Variants in INVS observed in about 807,000 individuals in gnomAD.
INVS encodes inversion of embryo turning homolog.
In INVS, 86 loss-of-function variants were observed where a neutral mutation model predicts 108.8. That is an observed-to-expected ratio of 0.79 (90% CI 0.66 to 0.95). The LOEUF (loss-of-function observed/expected upper bound fraction) is 0.95, where lower values mean the gene tolerates loss of function less well. Ranked by LOEUF, INVS falls within the 40% of genes least tolerant of loss-of-function variation. INVS has a pLI of 0.00. For missense variants in INVS, 1,169 were observed against 1,297.4 expected (o/e 0.90, Z 1.52); for synonymous variants, 455 against 473.5 (o/e 0.96, Z 0.51).
intron 3 of INVS, among the ~76,000 whole-genome samples, chr9:100,199,074 CTTAA>C (rs1335326332): frequency 6.6e-6 from 1 of 152,136 alleles, no homozygotes; most frequent in Non-Finnish European, 1.5e-5. Context: ...CACTTGCTCA[CTTAA>C]TTAAGGTACT....
At chr9:100,221,328 G>A (rs577166661) in intron 3 of INVS, among the ~76,000 whole-genome samples, 1 of 146,824 alleles carries the variant, frequency 6.8e-6, no homozygotes, top group Non-Finnish European at 1.5e-5. Context: ...TTTTGAGACA[G>A]GGTCTTCTCT....
At chr9:100,215,186 A>G (rs1441689430) in intron 3 of INVS, 3 of 152,232 alleles carry the variant, frequency 2.0e-5, no homozygotes, top group Non-Finnish European at 1.5e-5. Context: ...CAGTTGAACA[A>G]AATGAATCCA....
intron 3 of INVS, among the ~76,000 whole-genome samples, chr9:100,209,075 C>T (rs925200700): frequency 1.3e-5 from 2 of 152,098 alleles, no homozygotes; most frequent in African/African-American, 4.8e-5. Context: ...TTTATTACAC[C>T]GTACTGCCTC....
intron 3 of INVS, among the ~76,000 whole-genome samples, chr9:100,181,756 A>C (rs1192097648): frequency 6.6e-6 from 1 of 152,174 alleles, no homozygotes; most frequent in Non-Finnish European, 1.5e-5. Context: ...ACAGAATTAG[A>C]AAAAACTACT....
Position 100,229,721 on chromosome 9 carries a change from A to T in INVS, c.509A>T (p.Lys170Met). 1 of 1,614,096 alleles carries T rather than the reference A, an allele frequency of 6.2e-7. No individual in the cohort carries two copies. ...CCTGAGCATGTGAAGCTGCTCATCA[A>T]GCATGATTCTAACATTGGGATTCCT... ...NNPEHVKLLI[K>M]HDSNIGIPDV... Residue 170 changes from lysine (K) to methionine (M), a missense_variant, in exon 5 of 17, where the codon AAG (lysine) becomes ATG (methionine). By Grantham distance (95) the Lys-to-Met change is moderately conservative. This residue lies in a region of INVS where 365 missense variants were observed against 397.5 expected (regional missense o/e 0.92). Coordinates refer to ENST00000262457, the MANE Select transcript of INVS (RefSeq NM_014425.5).
chr9:100,129,646 T>C (rs1021780232), intron 3 of INVS: 7 of 650,730 alleles, frequency 1.1e-5, no homozygotes, highest in African/African-American at 9.0e-5. Context: ...CTGTAAAAAC[T>C]GAATAAAATA....
chr9:100,298,084 A>G (rs1252711530), intron 16 of INVS, 74 bp downstream of exon 16: 3 of 1,610,566 alleles, frequency 1.9e-6, no homozygotes, highest in Middle Eastern at 1.7e-4. Context: ...ATCCCCAAAG[A>G]CAGAAGACAT....
intron 3 of INVS, among the ~76,000 whole-genome samples, chr9:100,178,615 A>C (rs1200384163): frequency 1.3e-5 from 2 of 152,240 alleles, no homozygotes; most frequent in African/African-American, 4.8e-5. Context: ...GGAATGCACA[A>C]AGACTCCAAG....
intron 10 of INVS, among the ~76,000 whole-genome samples, chr9:100,262,638 TAAAAA>T (rs58650063): frequency 4.4e-4 from 51 of 116,476 alleles, no homozygotes; most frequent in Non-Finnish European, 7.2e-4. Flanking sequence ...CCTGGAGCAC[TAAAAA>T]AAAAAAAAAA....
At position 100,175,598 on chromosome 9, in the gene INVS, G is replaced by C. The variant is rs1474828000; in HGVS notation, c.273+49049G>C. The C allele has an allele frequency of 7.2e-6, 5 of 693,138 alleles. No individual in the cohort carries two copies. The African/African-American group carries it at 8.8e-5, about 12-fold the overall frequency. The allele number at this position is 693,138 out of a possible 1,614,324, so 42.9% of individuals were successfully genotyped here. ...ACCAGAGAATAAAATATAAGAGGTGGCAGAAAAACAGCTGCCCAAAGAATA... is the reference window on the plus strand; with the variant it reads ...ACCAGAGAATAAAATATAAGAGGTGCCAGAAAAACAGCTGCCCAAAGAATA... On this transcript the variant is annotated intron_variant, in intron 3 of 16. Transcript: ENST00000262457.
At chr9:100,195,310 AGTT>A (rs1328865285) in intron 3 of INVS, among the ~76,000 whole-genome samples, 2 of 152,122 alleles carry the variant, frequency 1.3e-5, no homozygotes, top group Non-Finnish European at 1.5e-5. Context: ...ATTATCATAT[AGTT>A]GTTGTTCTTT....
chr9:100,115,510 T>G (rs901020443), intron 2 of INVS, among the ~76,000 whole-genome samples: 6 of 151,838 alleles, frequency 4.0e-5, no homozygotes, highest in Admixed American at 6.6e-5. Context: ...TGTGTCCAAG[T>G]GTTCTCATTG....
intron 8 of INVS, among the ~76,000 whole-genome samples, chr9:100,249,339 G>A (rs561609326): frequency 6.6e-6 from 1 of 152,144 alleles, no homozygotes; most frequent in East Asian, 1.9e-4. Context: ...ATTCTGAAAT[G>A]CTACAATTCT....
At chr9:100,127,786 A>G (rs1588021362) in intron 3 of INVS, among the ~76,000 whole-genome samples, 1 of 152,126 alleles carries the variant, frequency 6.6e-6, no homozygotes, top group African/African-American at 2.4e-5. Context: ...TTTTTATTAT[A>G]GTAATTTTTT....
At chr9:100,161,383 A>AC (rs1387168328) in intron 3 of INVS, among the ~76,000 whole-genome samples, 11 of 151,334 alleles carry the variant, frequency 7.3e-5, no homozygotes, top group African/African-American at 2.7e-4. Flanking sequence ...AAAAAAAAAA[A>AC]AAAAAAAAAC....
intron 5 of INVS, among the ~76,000 whole-genome samples, chr9:100,235,270 G>T (rs1831648861): frequency 6.6e-6 from 1 of 151,866 alleles, no homozygotes; most frequent in Admixed American, 6.6e-5. Context: ...CTTTGCACAT[G>T]AGATGGGTCT....
At chr9:100,232,384 T>G (rs527983019) in intron 5 of INVS, among the ~76,000 whole-genome samples, 1 of 152,220 alleles carries the variant, frequency 6.6e-6, no homozygotes, top group Non-Finnish European at 1.5e-5. Flanking sequence ...ATTTTGGCTT[T>G]TGTTGCCATT....
intron 11 of INVS, among the ~76,000 whole-genome samples, chr9:100,272,593 A>G (rs1048633699): frequency 7.9e-5 from 12 of 152,190 alleles, no homozygotes; most frequent in East Asian, 1.9e-4. Flanking sequence ...TGTCTTTCCA[A>G]TAGGCCCCTA....
intron 16 of INVS, among the ~76,000 whole-genome samples, chr9:100,299,710 AAAG>A (rs1833908489): frequency 1.3e-5 from 2 of 151,522 alleles, no homozygotes. Context: ...CAATAAAAGA[AAAG>A]AACTCCCTTT....
Sources: allele counts gnomAD v4.1 joint callset (sites outside exome capture counted in the v4.1 genomes callset), GRCh38; gene constraint gnomAD v4.1.1; regional missense constraint gnomAD v4.1.1; transcripts MANE v1.5; gene names NCBI Gene and HGNC (gene_info 2026-07-23, HGNC 2026-07-21).